FAM135A: variants seen among roughly 807,000 people sequenced by gnomAD.
FAM135A encodes the protein protein FAM135A.
A neutral mutation model predicts 146.8 loss-of-function variants in FAM135A; 79 were observed. The ratio of observed to expected loss-of-function variants is 0.54; its 90% CI spans 0.45 to 0.65. FAM135A has a LOEUF of 0.65. Among genes scored for constraint, FAM135A ranks in the 30% least tolerant of loss-of-function variants. FAM135A has a pLI of 0.00. For missense variants in FAM135A, 1,623 were observed against 1,758.2 expected (o/e 0.92, Z 1.38); for synonymous variants, 562 against 603.6 (o/e 0.93, Z 1.01).
At chr6:70,479,134 G>A (rs958646337) in intron 8 of FAM135A, among the ~76,000 whole-genome samples, 2 of 152,030 alleles carry the variant, frequency 1.3e-5, no homozygotes, top group African/African-American at 4.8e-5. Flanking sequence ...CATAAAACTA[G>A]CTGTGTTTCT....
intron 5 of FAM135A, among the ~76,000 whole-genome samples, chr6:70,458,035 C>G (rs145540373): frequency 3.8e-4 from 58 of 152,136 alleles, no homozygotes; most frequent in African/African-American, 1.2e-3. Flanking sequence ...TAGTTTGTGG[C>G]AGACACCAGT....
At chr6:70,458,755 C>T (rs2128084000) in intron 5 of FAM135A, among the ~76,000 whole-genome samples, 1 of 152,180 alleles carries the variant, frequency 6.6e-6, no homozygotes, top group South Asian at 2.1e-4. Flanking sequence ...TAGTTTGAAA[C>T]AAAATAATGT....
chr6:70,545,748 T>G (rs758976777), intron 20 of FAM135A, among the ~76,000 whole-genome samples: 1 of 152,232 alleles, frequency 6.6e-6, no homozygotes, highest in Non-Finnish European at 1.5e-5. Context: ...AACACATACA[T>G]ATTAGCTTAT....
intron 5 of FAM135A, among the ~76,000 whole-genome samples, chr6:70,455,624 A>C (rs958711048): frequency 1.3e-5 from 2 of 152,108 alleles, no homozygotes; most frequent in East Asian, 3.9e-4. Context: ...TACTCTTTTG[A>C]ACATCCTTGA....
chr6:70,510,937 T>C (rs1373935399), intron 12 of FAM135A, among the ~76,000 whole-genome samples: 1 of 152,062 alleles, frequency 6.6e-6, no homozygotes, highest in African/African-American at 2.4e-5. Context: ...CTTGTTATAT[T>C]CTGCTTTTTG....
intron 20 of FAM135A, among the ~76,000 whole-genome samples, chr6:70,550,942 T>C (rs1799716458): frequency 2.0e-5 from 3 of 152,246 alleles, no homozygotes; most frequent in Admixed American, 1.3e-4. Flanking sequence ...TTTTATGTTA[T>C]GGAGACAACA....
chr6:70,515,832 G>A (rs1792064073), intron 12 of FAM135A, among the ~76,000 whole-genome samples: 1 of 152,080 alleles, frequency 6.6e-6, no homozygotes, highest in Non-Finnish European at 1.5e-5. Flanking sequence ...AATAAGAGGG[G>A]AAGCTGGATG....
chr6:70,526,519 T>C lies in FAM135A; in HGVS notation c.3435T>C (p.Pro1145=). 1 of 1,613,642 alleles carries C rather than the reference T, an allele frequency of 6.2e-7. No individual in the cohort carries two copies. Among genetic ancestry groups the C allele is most frequent in the Non-Finnish European group, 8.5e-7 (1 of 1,179,708 alleles). The change falls in exon 15 of 22, where the codon CCT becomes CCC. Residue 1145 remains proline (P), a synonymous_variant. Coordinates refer to ENST00000418814, the MANE Select transcript of FAM135A (RefSeq NM_001162529.3). ...SDYLRDGINM[P]TVCTSGCLSF... ...ATCTGAGAGATGGTATAAACATGCC[T>C]ACTGTCTGTACTTCTGGTTGTTTGT...
chr6:70,502,172 A>G (rs1450556547), intron 11 of FAM135A, among the ~76,000 whole-genome samples: 3 of 152,234 alleles, frequency 2.0e-5, no homozygotes, highest in African/African-American at 7.2e-5. Context: ...TATTTCAGAA[A>G]GTATCACAAT....
At chr6:70,487,166 A>ATGTT (rs752055525) in intron 10 of FAM135A, among the ~76,000 whole-genome samples, 3 of 146,382 alleles carry the variant, frequency 2.0e-5, no homozygotes, top group East Asian at 2.1e-4. Flanking sequence ...GTTGTGTTGT[A>ATGTT]TGTTTGTTTG....
intron 4 of FAM135A, among the ~76,000 whole-genome samples, chr6:70,432,622 T>C: frequency 6.6e-6 from 1 of 152,280 alleles, no homozygotes. Flanking sequence ...GTATGGGAAA[T>C]AAATAAGGTA....
At chr6:70,520,529 A>G (rs1009077436) in intron 12 of FAM135A, among the ~76,000 whole-genome samples, 1 of 152,184 alleles carries the variant, frequency 6.6e-6, no homozygotes, top group African/African-American at 2.4e-5. Context: ...AGCATTAACA[A>G]ATACTTATTT....
intron 10 of FAM135A, chr6:70,486,274 T>C (rs769563805): frequency 1.3e-6 from 2 of 1,587,062 alleles, no homozygotes; most frequent in South Asian, 1.1e-5. Context: ...AAGTAAATGA[T>C]CCCTTTTAAT....
rs191764281 is a variant in FAM135A, at chr6:70,448,688, C to G, written c.78-3804C>G. Among the ~76,000 whole-genome samples, 50 of 152,176 alleles carry G rather than the reference C, an allele frequency of 3.3e-4. No individual in the cohort carries two copies. In the East Asian group the frequency reaches 8.5e-3, roughly 26 times the overall value. On this transcript the variant is annotated intron_variant, in intron 4 of 21. Coordinates refer to ENST00000418814, the MANE Select transcript of FAM135A (RefSeq NM_001162529.3). ...AGAGCCCCGAACAAAGATTTACCCGCGTATTTATTAACAGCAAGCCAGTCA... is the reference window on the plus strand; with the variant it reads ...AGAGCCCCGAACAAAGATTTACCCGGGTATTTATTAACAGCAAGCCAGTCA...
At chr6:70,440,642 T>C (rs762875474) in intron 4 of FAM135A, among the ~76,000 whole-genome samples, 8 of 152,134 alleles carry the variant, frequency 5.3e-5, no homozygotes, top group Non-Finnish European at 1.2e-4. Context: ...GAGCTGAGAT[T>C]GCACCATTGC....
intron 20 of FAM135A, among the ~76,000 whole-genome samples, chr6:70,540,394 G>A (rs1423526636): frequency 2.2e-5 from 3 of 138,490 alleles, no homozygotes; most frequent in Admixed American, 8.4e-5. Flanking sequence ...GCACGATCTC[G>A]GCTCGCTGCA....
At chr6:70,555,621 G>A (rs996456295) in intron 20 of FAM135A, among the ~76,000 whole-genome samples, 4 of 152,124 alleles carry the variant, frequency 2.6e-5, no homozygotes, top group African/African-American at 7.2e-5. Flanking sequence ...GACTCCAGGG[G>A]TAAATGTATG....
chr6:70,423,046 G>A (rs1182447374), intron 2 of FAM135A, among the ~76,000 whole-genome samples: 1 of 152,162 alleles, frequency 6.6e-6, no homozygotes, highest in African/African-American at 2.4e-5. Context: ...TGAGAAGCTG[G>A]TATTTGAGTC....
intron 8 of FAM135A, among the ~76,000 whole-genome samples, chr6:70,478,889 A>C (rs940478807): frequency 6.6e-6 from 1 of 151,650 alleles, no homozygotes; most frequent in Non-Finnish European, 1.5e-5. Context: ...GATTTTCTGA[A>C]ATAGAATGTG....
Sources: gnomAD v4.1 joint callset for allele counts (sites outside exome capture counted in the v4.1 genomes callset) on GRCh38, gnomAD v4.1.1 for gene constraint, MANE v1.5 for transcripts, NCBI Gene and HGNC (gene_info 2026-07-23, HGNC 2026-07-21) for gene names.